The following CLEC6A variants were observed in gnomAD, a reference collection of about 807,000 sequenced individuals.
CLEC6A encodes the protein C-type lectin domain containing 6A, also known as C-type lectin domain family 6 member A.
Under a neutral mutation model 25.7 loss-of-function variants are expected in CLEC6A, and 22 were observed. The observed-to-expected ratio is 0.85, with a 90% CI of 0.61 to 1.22. CLEC6A has a LOEUF of 1.22. CLEC6A is among the 50% of genes most tolerant of loss of function. CLEC6A has a pLI of 0.00. For missense variants in CLEC6A, 240 were observed against 236.8 expected (o/e 1.01, Z -0.09); for synonymous variants, 92 against 76.7 (o/e 1.20, Z -1.04).
rs2136368668 is a variant in CLEC6A at position 8,477,330 on chromosome 12, C to G, written c.496C>G (p.Leu166Val). 6.2e-7 allele frequency: 1 copy of G among 1,607,614 alleles called. No individual in the cohort carries two copies. Among genetic ancestry groups the G allele is most frequent in the East Asian group, 2.2e-5 (1 of 44,604 alleles). The stretch of plus-strand genomic sequence containing the variant: ...TTTGTTTTCCTTTAGATTTTGGCAC[C>G]TAGGTGAGCCCAATCATTCTGCAGA... ...PYEKNVRFWH[L>V]GEPNHSAEQC... The change falls in exon 6 of 6, where the codon CTA becomes GTA. Residue 166 changes from leucine to valine, a missense_variant. Transcript: ENST00000382073.
intron 3 of CLEC6A, among the ~76,000 whole-genome samples, chr12:8,462,794 T>G (rs1939779346): frequency 6.6e-6 from 1 of 152,050 alleles, no homozygotes; most frequent in South Asian, 2.1e-4. Context: ...CTGGGTCCCC[T>G]TATTTCTTTC....
intron 4 of CLEC6A, among the ~76,000 whole-genome samples, chr12:8,471,304 G>T (rs907800260): frequency 1.3e-5 from 2 of 151,976 alleles, no homozygotes; most frequent in East Asian, 3.9e-4. Flanking sequence ...CTCATCAAAT[G>T]AGTTCAGAAA....
Position 8,455,992 on chromosome 12 carries a change from T to C in CLEC6A, c.-120T>C. On this transcript the variant is annotated 5_prime_UTR_variant, in exon 1 of 6. Coordinates refer to ENST00000382073, the MANE Select transcript of CLEC6A (RefSeq NM_001007033.2). Reference sequence around the variant, plus strand: ...TGGAAGTCTCTTAGTCCTATAAGAGTGTGTAGCAGTTTGTCCCTGAGCTCT... The same window carrying C: ...TGGAAGTCTCTTAGTCCTATAAGAGCGTGTAGCAGTTTGTCCCTGAGCTCT... The C allele has an allele frequency of 2.5e-6, 2 of 791,268 alleles. No homozygotes were observed. Among genetic ancestry groups the C allele is most frequent in the Non-Finnish European group, 4.3e-6 (2 of 468,732 alleles). 49.0% of individuals were successfully genotyped at this position (791,268 alleles called of 1,614,324 possible). A position where few individuals can be genotyped will look rare whatever the true frequency, so the allele number is the denominator to read the frequency against.
At position 8,477,573 on chromosome 12, in the gene CLEC6A, A is replaced by G. The variant is rs1939994216; in HGVS notation, c.*109A>G. 1 of 815,718 alleles carries G rather than the reference A, an allele frequency of 1.2e-6. No individual in the cohort carries two copies. Among genetic ancestry groups the G allele is most frequent in the Non-Finnish European group, 1.9e-6 (1 of 535,820 alleles). 50.5% of individuals were successfully genotyped at this position (815,718 alleles called of 1,614,324 possible). A position where few individuals can be genotyped will look rare whatever the true frequency, so the allele number is the denominator to read the frequency against. On this transcript the variant is annotated 3_prime_UTR_variant, in exon 6 of 6. Transcript: ENST00000382073. ...TGATAATTTCTTCCTGAATTTACAC[A>G]TAATCCTTATGTTATAGAGGTTCAC...
At chr12:8,470,855 T>C (rs1456664107) in intron 4 of CLEC6A, among the ~76,000 whole-genome samples, 1 of 152,020 alleles carries the variant, frequency 6.6e-6, no homozygotes, top group African/African-American at 2.4e-5. Flanking sequence ...AAGAACTTAT[T>C]CATGTAACCA....
chr12:8,474,279 TTCG>T (rs1176484701), intron 4 of CLEC6A, among the ~76,000 whole-genome samples: 1 of 152,198 alleles, frequency 6.6e-6, no homozygotes, highest in Non-Finnish European at 1.5e-5. Flanking sequence ...AGATTTATTC[TTCG>T]GCATATGATT....
At chr12:8,457,176 A>C (rs1939687798) in intron 1 of CLEC6A, among the ~76,000 whole-genome samples, 1 of 151,966 alleles carries the variant, frequency 6.6e-6, no homozygotes, top group African/African-American at 2.4e-5. Flanking sequence ...TATTTCTTCT[A>C]GCTAATTGTA....
intron 3 of CLEC6A, 147 bp downstream of exon 3, chr12:8,459,845 A>G: frequency 1.6e-6 from 1 of 627,868 alleles, no homozygotes; most frequent in Non-Finnish European, 2.8e-6. Context: ...TTCTCTAAAC[A>G]TACATGTTCA....
At chr12:8,477,178 G>C (rs149488855) in intron 5 of CLEC6A, 142 bp from the exon 6 acceptor site, 1 of 632,832 alleles carries the variant, frequency 1.6e-6, no homozygotes, top group Admixed American at 3.4e-5. Context: ...AGGATTTGAG[G>C]AGAGTAGTAT....
At chr12:8,475,701 A>G (rs966070354) in intron 4 of CLEC6A, among the ~76,000 whole-genome samples, 1 of 152,100 alleles carries the variant, frequency 6.6e-6, no homozygotes, top group Admixed American at 6.6e-5. Context: ...GGGGAGGGCA[A>G]TCTACTACTG....
In CLEC6A at chr12:8,456,008, C is replaced by T; in HGVS notation, c.-104C>T. On this transcript the variant is annotated 5_prime_UTR_variant, in exon 1 of 6. Coordinates refer to ENST00000382073, the MANE Select transcript of CLEC6A (RefSeq NM_001007033.2). ...CTATAAGAGTGTGTAGCAGTTTGTC[C>T]CTGAGCTCTAGCTTCTTTAAATGAA... 3.8e-6 allele frequency: 4 copies of T among 1,052,584 alleles called. No individual in the cohort carries two copies. Among genetic ancestry groups the T allele is most frequent in the Non-Finnish European group, 5.9e-6 (4 of 680,968 alleles). 65.2% of individuals were successfully genotyped at this position (1,052,584 alleles called of 1,614,324 possible).
chr12:8,474,839 G>A (rs1032821190), intron 4 of CLEC6A, among the ~76,000 whole-genome samples: 1 of 152,032 alleles, frequency 6.6e-6, no homozygotes, highest in Non-Finnish European at 1.5e-5. Flanking sequence ...AACCTAGTGA[G>A]CTCTCTATTA....
chr12:8,475,757 C>A (rs1939966301), intron 4 of CLEC6A, among the ~76,000 whole-genome samples: 1 of 152,070 alleles, frequency 6.6e-6, no homozygotes, highest in South Asian at 2.1e-4. Context: ...CACCCTAACT[C>A]TCATCTGGTC....
intron 1 of CLEC6A, among the ~76,000 whole-genome samples, chr12:8,457,321 A>G (rs1939690966): frequency 6.6e-6 from 1 of 152,150 alleles, no homozygotes; most frequent in Non-Finnish European, 1.5e-5. Flanking sequence ...CAGAATATGC[A>G]ATGTTTGTCT....
rs142874884 is a variant in CLEC6A at position 8,462,094 on chromosome 12, G to T, written c.223+2396G>T. Among the ~76,000 whole-genome samples, 31 of 152,306 alleles carry T rather than the reference G, an allele frequency of 2.0e-4. 1 individual carries two copies. In the East Asian group the frequency reaches 6.0e-3, roughly 29 times the overall value. On this transcript the variant is annotated intron_variant, in intron 3 of 5. Coordinates refer to ENST00000382073, the MANE Select transcript of CLEC6A (RefSeq NM_001007033.2). ...CCCCGTGCTCTCTGAAACACGTGCT[G>T]TGTCAACTCAGGGTTAAATGGATTA...
At chr12:8,457,227 C>G (rs1939688676) in intron 1 of CLEC6A, among the ~76,000 whole-genome samples, 1 of 152,086 alleles carries the variant, frequency 6.6e-6, no homozygotes, top group Non-Finnish European at 1.5e-5. Flanking sequence ...TCTTCTCTTC[C>G]CAGTTAACCT....
rs771412426 is a variant in CLEC6A at position 8,477,500 on chromosome 12, G to A, written c.*36G>A. 2.6e-6 allele frequency: 4 copies of A among 1,529,184 alleles called. No individual in the cohort carries two copies. In the East Asian group the frequency reaches 7.0e-5, roughly 27 times the overall value. 94.7% of individuals were successfully genotyped at this position (1,529,184 alleles called of 1,614,324 possible). ...AATTGGAAAGAAGAGAAGAATTACT[G>A]ACGTAATTTTTTCCCTGACGTCTTT... On this transcript the variant is annotated 3_prime_UTR_variant, in exon 6 of 6. Transcript: ENST00000382073.
At chr12:8,465,768 T>C in intron 4 of CLEC6A, 139 bp downstream of exon 4, 1 of 649,444 alleles carries the variant, frequency 1.5e-6, no homozygotes, top group Non-Finnish European at 2.3e-6. Flanking sequence ...CTAGAACTTT[T>C]TCATCTTGCA....
intron 4 of CLEC6A, among the ~76,000 whole-genome samples, chr12:8,468,434 C>T (rs1939864992): frequency 6.6e-6 from 1 of 152,128 alleles, no homozygotes; most frequent in Non-Finnish European, 1.5e-5. Flanking sequence ...CATCTGTGAA[C>T]AGAGACAATT....
Sources: gnomAD v4.1 joint callset for allele counts (sites outside exome capture counted in the v4.1 genomes callset) on GRCh38, gnomAD v4.1.1 for gene constraint, MANE v1.5 for transcripts, NCBI Gene and HGNC (gene_info 2026-07-23, HGNC 2026-07-21) for gene names.